ZNF675: variants seen among roughly 807,000 people sequenced by gnomAD.
The protein encoded by ZNF675 is zinc finger protein 675.
A neutral mutation model predicts 56.1 loss-of-function variants in ZNF675; 36 were observed. The observed-to-expected ratio is 0.64, with a 90% CI of 0.49 to 0.85. The LOEUF (loss-of-function observed/expected upper bound fraction) is 0.85, where lower values mean the gene tolerates loss of function less well. Ranked by LOEUF, ZNF675 falls within the 40% of genes least tolerant of loss-of-function variation. ZNF675 has a pLI of 0.00. For synonymous variants in ZNF675, 200 were observed against 218.9 expected, an observed-to-expected ratio of 0.91 and a Z score of 0.76; for missense variants, 663 against 654.2, an observed-to-expected ratio of 1.01 and a Z score of -0.15.
At chr19:23,669,297 C>CG (rs376451996) in intron 1 of ZNF675, among the ~76,000 whole-genome samples, 5 of 72,406 alleles carry the variant, frequency 6.9e-5, no homozygotes, top group African/African-American at 2.2e-4. Flanking sequence ...CCGTTGGCAG[C>CG]GGGCAGTTCG....
At chr19:23,664,513 G>A (rs1476381278) in intron 1 of ZNF675, among the ~76,000 whole-genome samples, 6 of 152,116 alleles carry the variant, frequency 3.9e-5, no homozygotes, top group Admixed American at 1.3e-4. Context: ...ATGAAAATAC[G>A]GACCACACTT....
chr19:23,669,669 C>G (rs760246836), intron 1 of ZNF675, among the ~76,000 whole-genome samples: 1 of 151,898 alleles, frequency 6.6e-6, no homozygotes, highest in Admixed American at 6.6e-5. Context: ...GTCAGGAGTT[C>G]GAGACCTGCC....
Position 23,654,051 on chromosome 19 carries a change from G to C in ZNF675, c.882C>G (p.Asn294Lys). Reference sequence around the variant, plus strand: ...TATGTGTAGTAAGATTTGAGAACTGGTTAAAGGCTTTGCCACATTCTTCAC... The same window carrying C: ...TATGTGTAGTAAGATTTGAGAACTGCTTAAAGGCTTTGCCACATTCTTCAC... The part of the protein sequence containing the change: ...YKCEECGKAF[N>K]QFSNLTTHKK... Residue 294 changes from asparagine to lysine, a missense_variant, in exon 4 of 4, where the codon AAC becomes AAG. Physicochemically the swap from Asn to Lys is moderately conservative, Grantham distance 94 (BLOSUM62 0). Coordinates refer to ENST00000359788, the MANE Select transcript of ZNF675 (RefSeq NM_138330.3). 1 of 1,613,376 alleles carries C rather than the reference G, an allele frequency of 6.2e-7. No individual in the cohort carries two copies. Among genetic ancestry groups the C allele is most frequent in the East Asian group, 2.2e-5 (1 of 44,776 alleles).
chr19:23,657,161 T>G (rs1967996838), intron 3 of ZNF675: 1 of 152,312 alleles, frequency 6.6e-6, no homozygotes, highest in East Asian at 1.9e-4. Context: ...GTCTCATACT[T>G]TTGGGCTCAA....
chr19:23,658,803 C>T (rs201294579), intron 3 of ZNF675: 39 of 2,386 alleles, frequency 0.016, no homozygotes, highest in African/African-American at 0.032. Context: ...CTATAGATAT[C>T]TATAGAGATA....
intron 1 of ZNF675, among the ~76,000 whole-genome samples, chr19:23,671,004 T>C (rs1290247224): frequency 6.6e-6 from 1 of 152,124 alleles, no homozygotes; most frequent in East Asian, 1.9e-4. Flanking sequence ...GCTAAATTTC[T>C]TGAGGCTCTC....
At chr19:23,685,286 G>T (rs1180919528) in intron 1 of ZNF675, among the ~76,000 whole-genome samples, 1 of 152,140 alleles carries the variant, frequency 6.6e-6, no homozygotes, top group African/African-American at 2.4e-5. Flanking sequence ...CAAAGGAAGA[G>T]CGCAGGGGAG....
chr19:23,658,057 T>C (rs1296170374), intron 3 of ZNF675, among the ~76,000 whole-genome samples: 1 of 152,150 alleles, frequency 6.6e-6, no homozygotes, highest in Non-Finnish European at 1.5e-5. Flanking sequence ...AACACTGATG[T>C]ACCATTAAAA....
intron 1 of ZNF675, chr19:23,686,118 A>C (rs1356568764): frequency 6.6e-6 from 1 of 152,186 alleles, no homozygotes; most frequent in Non-Finnish European, 1.5e-5. Context: ...TAATTGTACA[A>C]GTCAAGTAAC....
intron 1 of ZNF675, among the ~76,000 whole-genome samples, chr19:23,682,698 G>C (rs12971997): frequency 0.97 from 147,143 of 151,598 alleles, 71,714 homozygotes; most frequent in Middle Eastern, 1. Context: ...ATGGGCTCAA[G>C]CTTTAATTTT....
At chr19:23,677,246 C>CG (rs1310371668) in intron 1 of ZNF675, among the ~76,000 whole-genome samples, 7 of 142,162 alleles carry the variant, frequency 4.9e-5, no homozygotes, top group Non-Finnish European at 1.1e-4. Context: ...CAAACTATCC[C>CG]GGGTGCAGAT....
chr19:23,680,823 C>T (rs1204779523), intron 1 of ZNF675, among the ~76,000 whole-genome samples: 1 of 151,466 alleles, frequency 6.6e-6, no homozygotes. Context: ...AAGAGAGGAA[C>T]AACAAAAACT....
At chr19:23,685,666 ATTTT>A (rs1328822430) in intron 1 of ZNF675, among the ~76,000 whole-genome samples, 3 of 152,330 alleles carry the variant, frequency 2.0e-5, no homozygotes, top group Admixed American at 6.5e-5. Context: ...ACAGAAAACG[ATTTT>A]TTTAAGTGCC....
intron 3 of ZNF675, among the ~76,000 whole-genome samples, chr19:23,657,460 T>C (rs1968002708): frequency 6.6e-6 from 1 of 152,200 alleles, no homozygotes; most frequent in Non-Finnish European, 1.5e-5. Context: ...TCACCCCTTG[T>C]AATCCCAGTA....
intron 1 of ZNF675, among the ~76,000 whole-genome samples, chr19:23,667,332 G>A (rs981540136): frequency 1.3e-5 from 2 of 152,138 alleles, no homozygotes; most frequent in African/African-American, 2.4e-5. Context: ...AAGAGCTAAA[G>A]AACAAAGCTT....
In ZNF675 at chr19:23,653,005, C is replaced by CT. The variant is rs1967931111; in HGVS notation, c.*220dup. The CT allele has an allele frequency of 2.4e-6, 1 of 424,670 alleles. No homozygotes were observed. The highest frequency in any genetic ancestry group is 4.0e-5 in the Admixed American group (1 of 25,268). 26.3% of individuals were successfully genotyped at this position (424,670 alleles called of 1,614,324 possible). On this transcript the variant is annotated 3_prime_UTR_variant, in exon 4 of 4. Transcript: ENST00000359788. ...CACTCTTTATATTTGTACAATTTTT[C>CT]TTAAGTATAAACGCTTTCCTGTGCA...
intron 1 of ZNF675, among the ~76,000 whole-genome samples, chr19:23,663,794 G>C (rs1026252930): frequency 2.0e-5 from 3 of 152,166 alleles, no homozygotes; most frequent in African/African-American, 7.2e-5. Context: ...TGTAATAAAT[G>C]CTATCTTGTT....
chr19:23,666,399 A>T (rs1474681962), intron 1 of ZNF675, among the ~76,000 whole-genome samples: 7 of 152,232 alleles, frequency 4.6e-5, no homozygotes, highest in Non-Finnish European at 8.8e-5. Context: ...GCAACTAATC[A>T]GAGCAATTGT....
chr19:23,657,395 A>G (rs555215290), intron 3 of ZNF675, among the ~76,000 whole-genome samples: 6 of 152,222 alleles, frequency 3.9e-5, no homozygotes, highest in Non-Finnish European at 8.8e-5. Flanking sequence ...AAAGAAATAT[A>G]TATTTATTAT....
Sources: gnomAD v4.1 joint callset for allele counts (sites outside exome capture counted in the v4.1 genomes callset) on GRCh38, gnomAD v4.1.1 for gene constraint, MANE v1.5 for transcripts, NCBI Gene and HGNC (gene_info 2026-07-23, HGNC 2026-07-21) for gene names.